The following DCP1A variants were observed in gnomAD, a reference collection of about 807,000 sequenced individuals.
The protein encoded by DCP1A is decapping mRNA 1A.
Under a neutral mutation model 58.0 loss-of-function variants are expected in DCP1A, and 20 were observed. The ratio of observed to expected loss-of-function variants is 0.34; its 90% CI spans 0.24 to 0.50. DCP1A has a LOEUF of 0.50. DCP1A is among the 20% of genes least tolerant of loss of function. DCP1A has a pLI of 0.98. For missense variants in DCP1A, 613 were observed against 712.2 expected, an observed-to-expected ratio of 0.86 and a Z score of 1.59; for synonymous variants, 285 against 275.1, an observed-to-expected ratio of 1.04 and a Z score of -0.36.
rs1553693313 is a variant in DCP1A at position 53,347,492 on chromosome 3, T to A, written c.26A>T (p.Gln9Leu). MEALSRAG[Q>L]EMSLAALKQH... ...CTTCAGGGCCGCTAGGCTCATCTCC[T>A]GCCCAGCTCGACTCAGCGCCTCCAT... The change falls in exon 1 of 10, where the codon CAG (glutamine) becomes CTG (leucine). Residue 9 changes from glutamine (Q) to leucine (L), a missense_variant. Gln to Leu is a moderately radical substitution (Grantham distance 113). Around this residue, in one of 3 missense-constraint regions of DCP1A, gnomAD observed 50 missense variants for 37.0 expected, o/e 1.35. Coordinates refer to ENST00000610213, the MANE Select transcript of DCP1A (RefSeq NM_018403.7). 5 of 1,613,044 alleles carry A rather than the reference T, an allele frequency of 3.1e-6. No individual in the cohort carries two copies. The Admixed American group carries it at 6.7e-5, about 22-fold the overall frequency.
intron 6 of DCP1A, among the ~76,000 whole-genome samples, chr3:53,293,985 T>C (rs1178211278): frequency 2.6e-5 from 4 of 151,584 alleles, no homozygotes. Flanking sequence ...AGGAAGGCAC[T>C]AGGAAGAGGA....
In DCP1A at chr3:53,332,592, C is replaced by T. The variant is rs149119915; in HGVS notation, c.304+9552G>A. On this transcript the variant is annotated intron_variant, in intron 3 of 9. Coordinates refer to ENST00000610213, the MANE Select transcript of DCP1A (RefSeq NM_018403.7). ...TCTATTGAAATTTCTAGGCCGGGCG[C>T]GGTGGCTCATGCCTGTAATCCCAGC... Among the ~76,000 whole-genome samples the T allele has an allele frequency of 7.5e-3, 1,141 of 152,154 alleles. 6 individuals carry two copies. The highest frequency in any genetic ancestry group is 0.013 in the Non-Finnish European group (872 of 68,020).
chr3:53,295,839 C>T (rs1707105080), intron 6 of DCP1A, among the ~76,000 whole-genome samples: 1 of 151,738 alleles, frequency 6.6e-6, no homozygotes, highest in Non-Finnish European at 1.5e-5. Flanking sequence ...TGTCTGGTGC[C>T]CAAAAAGCAT....
chr3:53,336,327 G>A (rs1377335251), intron 3 of DCP1A, among the ~76,000 whole-genome samples: 6 of 152,214 alleles, frequency 3.9e-5, no homozygotes, highest in South Asian at 2.1e-4. Context: ...GGCTGGTCTC[G>A]AACTCTTGAC....
intron 3 of DCP1A, among the ~76,000 whole-genome samples, chr3:53,319,712 C>CA (rs1394144104): frequency 2.0e-5 from 3 of 152,292 alleles, no homozygotes; most frequent in Non-Finnish European, 4.4e-5. Context: ...CACCAGATCT[C>CA]AGTGAACCTA....
chr3:53,312,122 T>C, intron 5 of DCP1A, 119 bp downstream of exon 5: 2 of 1,171,886 alleles, frequency 1.7e-6, no homozygotes, highest in Non-Finnish European at 2.4e-6. Context: ...GCTCTCTTTT[T>C]GAACTTATAT....
intron 6 of DCP1A, among the ~76,000 whole-genome samples, chr3:53,295,039 G>A (rs1707072449): frequency 6.6e-6 from 1 of 152,170 alleles, no homozygotes; most frequent in African/African-American, 2.4e-5. Flanking sequence ...AGTATGAGGA[G>A]AGGGAGCTTA....
intron 6 of DCP1A, among the ~76,000 whole-genome samples, 200 bp from the exon 7 acceptor site, chr3:53,293,027 A>G (rs1279428787): frequency 6.6e-6 from 1 of 152,116 alleles, no homozygotes; most frequent in Non-Finnish European, 1.5e-5. Flanking sequence ...GGAAATTTGC[A>G]TTGGTAATAT....
intron 3 of DCP1A, among the ~76,000 whole-genome samples, chr3:53,331,557 T>C (rs565913166): frequency 8.7e-4 from 132 of 152,356 alleles, no homozygotes; most frequent in African/African-American, 3.1e-3. Context: ...GTGTAGGCTA[T>C]GTCATTTAGG....
chr3:53,325,092 T>C (rs1708072672), intron 3 of DCP1A, among the ~76,000 whole-genome samples: 1 of 152,194 alleles, frequency 6.6e-6, no homozygotes, highest in Admixed American at 6.5e-5. Context: ...AAGTGGAGTT[T>C]TGAGTAAGAG....
chr3:53,343,835 T>G (rs911578029), intron 2 of DCP1A, among the ~76,000 whole-genome samples: 19 of 152,212 alleles, frequency 1.2e-4, no homozygotes, highest in Non-Finnish European at 2.2e-4. Flanking sequence ...ATGGTCTTGA[T>G]CTCCTGACCT....
intron 6 of DCP1A, among the ~76,000 whole-genome samples, chr3:53,298,350 A>C (rs1707198494): frequency 1.3e-5 from 2 of 152,226 alleles, no homozygotes; most frequent in African/African-American, 4.8e-5. Flanking sequence ...GCGAGGCCAG[A>C]CAGATTCTCT....
intron 3 of DCP1A, among the ~76,000 whole-genome samples, chr3:53,326,991 C>A (rs11922512): frequency 0.03 from 4,455 of 146,274 alleles, 258 homozygotes; most frequent in African/African-American, 0.11. Context: ...CCCCCCCCAA[C>A]TGGTATTCTA....
chr3:53,308,717 C>T (rs879972525), intron 5 of DCP1A, among the ~76,000 whole-genome samples: 10 of 152,166 alleles, frequency 6.6e-5, no homozygotes, highest in South Asian at 2.1e-4. Flanking sequence ...CCTCAGCCTC[C>T]GGAGTAGCTG....
At chr3:53,336,436 T>G (rs1404834419) in intron 3 of DCP1A, among the ~76,000 whole-genome samples, 1 of 152,182 alleles carries the variant, frequency 6.6e-6, no homozygotes, top group African/African-American at 2.4e-5. Flanking sequence ...TGCTGTTCTT[T>G]TTACTTTATT....
At chr3:53,332,902 T>A (rs2089039373) in intron 3 of DCP1A, among the ~76,000 whole-genome samples, 1 of 152,068 alleles carries the variant, frequency 6.6e-6, no homozygotes, top group Non-Finnish European at 1.5e-5. Flanking sequence ...TAATTTCTAC[T>A]CTTTATTTTC....
intron 3 of DCP1A, among the ~76,000 whole-genome samples, chr3:53,337,058 G>A (rs1451411606): frequency 6.6e-6 from 1 of 151,972 alleles, no homozygotes; most frequent in African/African-American, 2.4e-5. Context: ...TTTTAGTAGA[G>A]ATGGGGTTTC....
chr3:53,315,919 A>G (rs1707797613), intron 4 of DCP1A, among the ~76,000 whole-genome samples: 1 of 151,808 alleles, frequency 6.6e-6, no homozygotes, highest in Admixed American at 6.6e-5. Context: ...ATGCCCCGCT[A>G]ATTTTTTTGT....
intron 1 of DCP1A, among the ~76,000 whole-genome samples, chr3:53,346,081 A>T (rs2089288075): frequency 6.6e-6 from 1 of 152,198 alleles, no homozygotes; most frequent in South Asian, 2.1e-4. Flanking sequence ...CTTTGTGAAA[A>T]ACTAGGAAAA....
Sources: allele counts gnomAD v4.1 joint callset (sites outside exome capture counted in the v4.1 genomes callset), GRCh38; gene constraint gnomAD v4.1.1; regional missense constraint gnomAD v4.1.1; transcripts MANE v1.5; gene names NCBI Gene and HGNC (gene_info 2026-07-23, HGNC 2026-07-21).